The following CELF2 variants were observed in gnomAD, a reference collection of about 807,000 sequenced individuals.
CELF2 encodes CUG triplet repeat RNA-binding protein 2.
Under a neutral mutation model 62.6 loss-of-function variants are expected in CELF2, and 8 were observed. That is an observed-to-expected ratio of 0.13 (90% CI 0.07 to 0.23). The LOEUF (loss-of-function observed/expected upper bound fraction) is 0.23, where lower values mean the gene tolerates loss of function less well. Ranked by LOEUF, CELF2 falls within the 10% of genes least tolerant of loss-of-function variation. The probability of loss-of-function intolerance (pLI) is 1.00; values close to 1 mark genes in which losing one functional copy is unlikely to be tolerated. For missense variants in CELF2, 333 were observed against 671.0 expected, an observed-to-expected ratio of 0.50 and a Z score of 5.56; for synonymous variants, 258 against 250.0, an observed-to-expected ratio of 1.03 and a Z score of -0.30.
chr10:11,000,955 A>G (rs1458746837), upstream of CELF2, among the ~76,000 whole-genome samples: 1 of 152,148 alleles, frequency 6.6e-6, no homozygotes, highest in Non-Finnish European at 1.5e-5. Flanking sequence ...ACCCATAGAG[A>G]AAGACCCTTC....
the CELF2 span, among the ~76,000 whole-genome samples, chr10:10,641,628 A>ACAAGGTTT: frequency 1.3e-5 from 2 of 151,998 alleles, no homozygotes; most frequent in East Asian, 3.9e-4. Context: ...TTTAGTAGAG[A>ACAAGGTTT]CAAGGTTTCA....
At chr10:10,908,620 A>G (rs1407108206) in intron 1 of CELF2, among the ~76,000 whole-genome samples, 2 of 152,156 alleles carry the variant, frequency 1.3e-5, no homozygotes, top group Admixed American at 6.5e-5. Flanking sequence ...GTTTATAGCC[A>G]TTGTTCAGAA....
the CELF2 span, among the ~76,000 whole-genome samples, chr10:10,616,295 G>GGCGT: frequency 7.0e-6 from 1 of 143,866 alleles, no homozygotes; most frequent in Non-Finnish European, 1.5e-5. Context: ...TTTTGTTTGG[G>GGCGT]GTGTGTGTGT....
intron 1 of CELF2, among the ~76,000 whole-genome samples, chr10:11,114,781 C>G (rs939026853): frequency 6.6e-6 from 1 of 152,190 alleles, no homozygotes; most frequent in East Asian, 1.9e-4. Context: ...AAGATCAATA[C>G]CTCTTTTTCT....
At chr10:10,787,079 T>C in the CELF2 span, among the ~76,000 whole-genome samples, 2 of 152,336 alleles carry the variant, frequency 1.3e-5, no homozygotes, top group Admixed American at 6.5e-5. Context: ...GTTAGAACTT[T>C]AATATGTGTT....
At chr10:10,874,271 T>C (rs947135997) in intron 1 of CELF2, among the ~76,000 whole-genome samples, 6 of 152,120 alleles carry the variant, frequency 3.9e-5, no homozygotes, top group Non-Finnish European at 8.8e-5. Flanking sequence ...TGAGCCATGA[T>C]TGCACCACTG....
At chr10:11,109,573 T>C (rs1045541307) in intron 1 of CELF2, among the ~76,000 whole-genome samples, 6 of 152,182 alleles carry the variant, frequency 3.9e-5, no homozygotes, top group Non-Finnish European at 8.8e-5. Context: ...AAGACAGACA[T>C]AGGACTGTGG....
At chr10:10,650,809 C>A in the CELF2 span, among the ~76,000 whole-genome samples, 1 of 152,170 alleles carries the variant, frequency 6.6e-6, no homozygotes, top group East Asian at 1.9e-4. Flanking sequence ...CCATCTGACC[C>A]AGCGATTCCA....
chr10:10,475,917 T>C, the CELF2 span, among the ~76,000 whole-genome samples: 2 of 152,124 alleles, frequency 1.3e-5, no homozygotes, highest in Non-Finnish European at 2.9e-5. Context: ...TCTTTTGTAA[T>C]GGTTGTTGAC....
At chr10:10,694,619 G>A in the CELF2 span, among the ~76,000 whole-genome samples, 1 of 151,974 alleles carries the variant, frequency 6.6e-6, no homozygotes, top group African/African-American at 2.4e-5. Flanking sequence ...GGGTGTTAAA[G>A]TCTCCCATTA....
chr10:10,572,033 C>A, the CELF2 span, among the ~76,000 whole-genome samples: 1 of 152,032 alleles, frequency 6.6e-6, no homozygotes, highest in Non-Finnish European at 1.5e-5. Flanking sequence ...AGAATGTGGC[C>A]GTGGCCATGG....
At chr10:11,196,531 A>T (rs1395976550) in intron 2 of CELF2, among the ~76,000 whole-genome samples, 4 of 152,000 alleles carry the variant, frequency 2.6e-5, no homozygotes, top group Non-Finnish European at 5.9e-5. Flanking sequence ...GCCAGGCATG[A>T]TTGTTCATGC....
intron 1 of CELF2, among the ~76,000 whole-genome samples, chr10:11,113,883 C>G (rs1369559465): frequency 6.6e-6 from 1 of 152,124 alleles, no homozygotes; most frequent in Non-Finnish European, 1.5e-5. Flanking sequence ...TTTCTTTCTT[C>G]TGTTCATTTT....
intron 8 of CELF2, among the ~76,000 whole-genome samples, chr10:11,278,935 C>T (rs527466181): frequency 7.7e-4 from 117 of 152,280 alleles, no homozygotes; most frequent in Middle Eastern, 3.4e-3. Context: ...GCTTCAGGTC[C>T]GGCTCACTGA....
At chr10:10,749,243 A>G in the CELF2 span, among the ~76,000 whole-genome samples, 3 of 152,186 alleles carry the variant, frequency 2.0e-5, no homozygotes, top group African/African-American at 7.2e-5. Flanking sequence ...GATCTACAGG[A>G]TATTTGGGCT....
intron 1 of CELF2, among the ~76,000 whole-genome samples, chr10:10,890,815 G>C (rs985036360): frequency 6.6e-6 from 1 of 152,174 alleles, no homozygotes; most frequent in East Asian, 1.9e-4. Flanking sequence ...AGGAGTTCAA[G>C]ACCAGCCTGA....
In CELF2 at chr10:11,309,174, T is replaced by C. The variant is rs1214549797; in HGVS notation, c.977-4965T>C. 6.6e-6 allele frequency among the ~76,000 whole-genome samples: 1 copy of C among 152,230 alleles called. No individual in the cohort carries two copies. The highest frequency in any genetic ancestry group is 6.5e-5 in the Admixed American group (1 of 15,280). ...CTGTCTGCTTTTTCCTGTGTACGGA[T>C]TGCATGTTCTTGTTCCCTTGCATAT... is the stretch of plus-strand genomic sequence containing the variant. On this transcript the variant is annotated intron_variant, in intron 9 of 12. Transcript: ENST00000633077. This position sits in a 1 kb window ranked among gnomAD's most constrained non-coding sequence, Gnocchi z 5.6.
chr10:10,708,135 G>C, the CELF2 span, among the ~76,000 whole-genome samples: 16 of 152,080 alleles, frequency 1.1e-4, 1 homozygote, highest in South Asian at 2.1e-4. Flanking sequence ...AAATTCAAAG[G>C]GCGTAAAAGA....
chr10:10,668,591 C>T, the CELF2 span, among the ~76,000 whole-genome samples: 3 of 152,210 alleles, frequency 2.0e-5, no homozygotes, highest in Non-Finnish European at 4.4e-5. Context: ...TTTTTACTCT[C>T]TCTGACACTA....
Sources: gnomAD v4.1 joint callset for allele counts (sites outside exome capture counted in the v4.1 genomes callset) on GRCh38, gnomAD v4.1.1 for gene constraint, Gnocchi (gnomAD v3.1) non-coding constraint, MANE v1.5 for transcripts, NCBI Gene and HGNC (gene_info 2026-07-23, HGNC 2026-07-21) for gene names.